Variants in SEPTIN8 observed in about 807,000 individuals in gnomAD.
SEPTIN8 encodes the protein septin 8, also known as septin-8.
SEPTIN8 carries 22 observed loss-of-function variants against 53.1 expected under a neutral mutation model. That is an observed-to-expected ratio of 0.41 (90% CI 0.30 to 0.59). The LOEUF (loss-of-function observed/expected upper bound fraction) is 0.59, where lower values mean the gene tolerates loss of function less well. SEPTIN8 is among the 20% of genes least tolerant of loss of function. SEPTIN8 has a pLI of 0.24. For synonymous variants in SEPTIN8, 228 were observed against 248.4 expected (o/e 0.92, Z 0.77); for missense variants, 536 against 638.7 (o/e 0.84, Z 1.73).
intron 1 of SEPTIN8, among the ~76,000 whole-genome samples, chr5:132,772,644 C>A (rs748758826): frequency 4.2e-4 from 64 of 152,214 alleles, no homozygotes; most frequent in Non-Finnish European, 7.6e-4. Context: ...TTCTGTCCAA[C>A]CCCACGATGG....
intron 9 of SEPTIN8, chr5:132,757,242 C>T: frequency 1.0e-6 from 1 of 985,188 alleles, no homozygotes; most frequent in Non-Finnish European, 1.2e-6. Flanking sequence ...TTAGATCCAC[C>T]CCTGGTCATA....
At chr5:132,752,329 G>A in intron 9 of SEPTIN8, 148 bp from the exon 10 acceptor site, 1 of 1,094,216 alleles carries the variant, frequency 9.1e-7, no homozygotes, top group Non-Finnish European at 1.3e-6. Flanking sequence ...GAAAGAGTCT[G>A]CCCAAAGGCT....
At chr5:132,757,933 T>C in intron 9 of SEPTIN8, 5 of 986,044 alleles carry the variant, frequency 5.1e-6, no homozygotes, top group Non-Finnish European at 6.0e-6. Flanking sequence ...CTGAGTACTC[T>C]TTACATTTGG....
Position 132,762,517 on chromosome 5 carries a change from A to G in SEPTIN8, c.663T>C (p.Asp221=), listed in dbSNP as rs750030008. 3.7e-6 allele frequency: 6 copies of G among 1,614,132 alleles called. No individual in the cohort carries two copies. Among genetic ancestry groups the G allele is most frequent in the Non-Finnish European group, 5.1e-6 (6 of 1,180,052 alleles). ...CTGCGTTAATCTCTGCAACAGCCTC[A>G]TCATCCGTGGGGAACTGGTAGATCT... ...GVQIYQFPTD[D]EAVAEINAVM... The change falls in exon 5 of 10, where the codon GAT becomes GAC. Residue 221 remains aspartate (D), a synonymous_variant. Transcript: ENST00000378719.
At chr5:132,752,939 G>T in intron 9 of SEPTIN8, 2 of 1,614,126 alleles carry the variant, frequency 1.2e-6, no homozygotes, top group Non-Finnish European at 1.7e-6. Flanking sequence ...TCATCCTCCT[G>T]CACAGACAAC....
Position 132,751,926 on chromosome 5 carries a change from T to C in SEPTIN8, c.*90A>G, listed in dbSNP as rs2149939758. On this transcript the variant is annotated 3_prime_UTR_variant, in exon 10 of 10. Coordinates refer to ENST00000378719, the MANE Select transcript of SEPTIN8 (RefSeq NM_001098811.2). ...TTTGATCATTGATATAGGAAAAGTA[T>C]GGCGTTTTCTGTTCTAACATTAAAA... 2 of 1,561,922 alleles carry C rather than the reference T, an allele frequency of 1.3e-6. No individual in the cohort carries two copies. Among genetic ancestry groups the C allele is most frequent in the East Asian group, 2.3e-5 (1 of 42,760 alleles).
At position 132,760,957 on chromosome 5, in the gene SEPTIN8, G is replaced by A. The variant is rs1317501691; in HGVS notation, c.1131C>T (p.His377=). ...HEKFEHLKRV[H]QEEKRKVEEK... ...CCTCCACCTTGCGCTTCTCCTCCTG[G>A]TGGACCCGCTTCAGGTGCTCAAACT... The change falls in exon 9 of 10, where the codon CAC becomes CAT. Residue 377 remains histidine, a synonymous_variant. Coordinates refer to ENST00000378719, the MANE Select transcript of SEPTIN8 (RefSeq NM_001098811.2). This position sits in a 1 kb window ranked among gnomAD's most constrained non-coding sequence, Gnocchi z 5.2. 8 of 1,592,234 alleles carry A rather than the reference G, an allele frequency of 5.0e-6. No individual in the cohort carries two copies. The African/African-American group carries it at 1.1e-4, about 21-fold the overall frequency.
Position 132,762,524 on chromosome 5 carries a change from G to T in SEPTIN8, c.656C>A (p.Thr219Lys), listed in dbSNP as rs772681587. 3.1e-6 allele frequency: 5 copies of T among 1,614,208 alleles called. No individual in the cohort carries two copies. The highest frequency in any genetic ancestry group is 3.3e-5 in the Admixed American group (2 of 60,030). The change falls in exon 5 of 10, where the codon ACG (threonine) becomes AAG (lysine). Residue 219 changes from threonine to lysine, a missense_variant. Transcript: ENST00000378719. Reference sequence around the variant, plus strand: ...AATCTCTGCAACAGCCTCATCATCCGTGGGGAACTGGTAGATCTGGACCCC... The same window carrying T: ...AATCTCTGCAACAGCCTCATCATCCTTGGGGAACTGGTAGATCTGGACCCC... ...SNGVQIYQFPTDDEAVAEINA... is the reference protein window; with the variant it reads ...SNGVQIYQFPKDDEAVAEINA...
At chr5:132,775,157 G>A (rs538381412) in intron 1 of SEPTIN8, among the ~76,000 whole-genome samples, 5 of 152,210 alleles carry the variant, frequency 3.3e-5, no homozygotes, top group East Asian at 1.9e-4. Context: ...TGGCCACCCC[G>A]CAGCTAATAC....
chr5:132,779,541 A>T (rs1179174518), upstream of SEPTIN8, among the ~76,000 whole-genome samples: 2 of 152,210 alleles, frequency 1.3e-5, no homozygotes, highest in South Asian at 2.1e-4. Context: ...ACATGACAAG[A>T]CTTCGCTTCA....
In SEPTIN8 at chr5:132,763,859, C is replaced by T; in HGVS notation, c.381G>A (p.Gln127=). 2 of 1,598,132 alleles carry T rather than the reference C, an allele frequency of 1.3e-6. No homozygotes were observed. The highest frequency in any genetic ancestry group is 1.7e-6 in the Non-Finnish European group (2 of 1,171,754). ...GCTCCTCCTGCAGATAATTTTCAAA[C>T]TGCGCATCGATGTAGTCAACTATGG... ...YRPIVDYIDA[Q]FENYLQEELK... Residue 127 remains glutamine (Q), a synonymous_variant, in exon 4 of 10, where the codon CAG becomes CAA. Coordinates refer to ENST00000378719, the MANE Select transcript of SEPTIN8 (RefSeq NM_001098811.2).
intron 1 of SEPTIN8, among the ~76,000 whole-genome samples, chr5:132,767,571 G>A (rs1295921688): frequency 6.6e-6 from 1 of 152,046 alleles, no homozygotes; most frequent in African/African-American, 2.4e-5. Flanking sequence ...GGGGAGGTCA[G>A]GTTTTCTGTT....
Position 132,751,820 on chromosome 5 carries a change from C to A in SEPTIN8, c.*196G>T. 2 of 968,570 alleles carry A rather than the reference C, an allele frequency of 2.1e-6. No individual in the cohort carries two copies. The highest frequency in any genetic ancestry group is 3.0e-6 in the Non-Finnish European group (2 of 661,882). 60.0% of individuals were successfully genotyped at this position (968,570 alleles called of 1,614,324 possible). ...ACAGGATGGGCATTAAGCCTCAAGC[C>A]CCTTACGGAGCCATGGATAGGAATG... On this transcript the variant is annotated 3_prime_UTR_variant, in exon 10 of 10. Transcript: ENST00000378719.
intron 9 of SEPTIN8, chr5:132,758,628 T>A: frequency 6.3e-7 from 1 of 1,595,162 alleles, no homozygotes. Context: ...TAGAGAGGGG[T>A]GGCCCGCCAG....
rs1369285879 is a variant in SEPTIN8 at position 132,765,545 on chromosome 5, TA to T, written c.31-17del. On this transcript the variant is annotated splice_polypyrimidine_tract_variant and intron_variant, in intron 1 of 9. Transcript: ENST00000378719. Reference sequence around the variant, plus strand: ...GCTCTGCATTCTGCCAAGAGAGAAATAAAGCAAGACATGAGCCCACTGGGGA... The same window carrying T: ...GCTCTGCATTCTGCCAAGAGAGAAATAAGCAAGACATGAGCCCACTGGGGA... 6.3e-7 allele frequency: 1 copy of T among 1,574,936 alleles called. No homozygotes were observed. The highest frequency in any genetic ancestry group is 1.2e-5 in the South Asian group (1 of 83,794).
rs73787065 is a variant in SEPTIN8, at chr5:132,760,252, G to A, written c.1286+550C>T. On this transcript the variant is annotated intron_variant, in intron 9 of 9. Coordinates refer to ENST00000378719, the MANE Select transcript of SEPTIN8 (RefSeq NM_001098811.2). This position sits in a 1 kb window ranked among gnomAD's most constrained non-coding sequence, Gnocchi z 5.2. ...TGCCCCACAGACTGAGGAGGGATGC[G>A]CCACAGGTGTCCAAGCAGAAACCAC... Among the ~76,000 whole-genome samples the A allele has an allele frequency of 5.8e-3, 878 of 152,076 alleles. 11 individuals carry two copies. Among genetic ancestry groups the A allele is most frequent in the African/African-American group, 0.02 (830 of 41,468 alleles).
At position 132,757,626 on chromosome 5, in the gene SEPTIN8, G is replaced by A. The variant is rs145942790; in HGVS notation, c.1286+3176C>T. On this transcript the variant is annotated intron_variant, in intron 9 of 9. Transcript: ENST00000378719. ...CTGGGTAGCTCCAGTGCCCAGCACG[G>A]TGCTTCAACATTAAAACTACCCTTC... 281 of 985,422 alleles carry A rather than the reference G, an allele frequency of 2.9e-4. 1 individual carries two copies. Among genetic ancestry groups the A allele is most frequent in the Middle Eastern group, 2.1e-3 (4 of 1,914 alleles). 61.0% of individuals were successfully genotyped at this position (985,422 alleles called of 1,614,324 possible).
At chr5:132,754,303 C>G in intron 9 of SEPTIN8, 1 of 675,364 alleles carries the variant, frequency 1.5e-6, no homozygotes, top group Non-Finnish European at 2.7e-6. Flanking sequence ...ATGCTGAGGC[C>G]ATGCTGCTCA....
At chr5:132,756,278 C>T (rs765663357) in intron 9 of SEPTIN8, 15 of 985,148 alleles carry the variant, frequency 1.5e-5, no homozygotes, top group Non-Finnish European at 1.8e-5. Context: ...CTAGAAAGAA[C>T]ATATTTCCAC....
Sources: allele counts gnomAD v4.1 joint callset (sites outside exome capture counted in the v4.1 genomes callset), GRCh38; gene constraint gnomAD v4.1.1; non-coding constraint Gnocchi (gnomAD v3.1); transcripts MANE v1.5; gene names NCBI Gene and HGNC (gene_info 2026-07-23, HGNC 2026-07-21).